The following FBXL5 variants were observed in gnomAD, a reference collection of about 807,000 sequenced individuals.
FBXL5 encodes F-box and leucine rich repeat protein 5.
In FBXL5, 26 loss-of-function variants were observed where a neutral mutation model predicts 78.3. That is an observed-to-expected ratio of 0.33 (90% confidence interval 0.24 to 0.46). The LOEUF is 0.46. Among genes scored for constraint, FBXL5 ranks in the 20% least tolerant of loss-of-function variants. The pLI is 1.00. For missense variants in FBXL5, 710 were observed against 829.2 expected, an observed-to-expected ratio of 0.86 and a Z score of 1.77; for synonymous variants, 295 against 282.5, an observed-to-expected ratio of 1.04 and a Z score of -0.45.
upstream of FBXL5, among the ~76,000 whole-genome samples, chr4:15,661,923 G>A (rs1717329943): frequency 6.6e-6 from 1 of 152,182 alleles, no homozygotes. Context: ...CTCATAGGCT[G>A]TTAGAATAAG....
In FBXL5 at chr4:15,629,871, T is replaced by C. The variant is rs570804502; in HGVS notation, c.892+795A>G. On this transcript the variant is annotated intron_variant, in intron 6 of 10. Coordinates refer to ENST00000341285, the MANE Select transcript of FBXL5 (RefSeq NM_012161.4). ...AAATTACTTTAAGCAAGTAACTTTA[T>C]AAATAAAATTTCCTATAGTTTCAGT... Among the ~76,000 whole-genome samples, 273 of 152,314 alleles carry C rather than the reference T, an allele frequency of 1.8e-3. 1 individual carries two copies. The highest frequency in any genetic ancestry group is 4.1e-3 in the Admixed American group (62 of 15,304).
chr4:15,640,735 T>A (rs971613749), intron 3 of FBXL5, 53 bp downstream of exon 3: 2 of 985,916 alleles, frequency 2.0e-6, no homozygotes, highest in Non-Finnish European at 3.0e-6. Context: ...TAAAGCAAAA[T>A]AGTATTTTAA....
chr4:15,668,637 G>C (rs1717642782), intron 1 of FBXL5, among the ~76,000 whole-genome samples: 1 of 152,164 alleles, frequency 6.6e-6, no homozygotes, highest in South Asian at 2.1e-4. Flanking sequence ...TGTGTCAATG[G>C]TATTCTTGAA....
chr4:15,611,585 A>T (rs1415442047), intron 10 of FBXL5, among the ~76,000 whole-genome samples: 2 of 152,132 alleles, frequency 1.3e-5, no homozygotes, highest in African/African-American at 4.8e-5. Context: ...GGCACTGAAC[A>T]TACTTTGAAA....
intron 1 of FBXL5, among the ~76,000 whole-genome samples, chr4:15,647,042 G>A (rs532014781): frequency 1.5e-4 from 22 of 151,390 alleles, no homozygotes; most frequent in Admixed American, 1.4e-3. Flanking sequence ...GACCAACATG[G>A]TGAAACCCCA....
In FBXL5 at chr4:15,644,604, T is replaced by A. The variant is rs201811302; in HGVS notation, c.189A>T (p.Glu63Asp). Reference protein sequence around the residue: ...EFKMHEQIENEYIIGLLQQRS... With the variant: ...EFKMHEQIENDYIIGLLQQRS... The stretch of plus-strand genomic sequence containing the variant: ...GTTGTTGAAGCAAACCAATAATGTA[T>A]TCATTTTCAATCTGCTCATGCATTT... The change falls in exon 2 of 11, where the codon GAA becomes GAT. Residue 63 changes from glutamate (E) to aspartate (D), a missense_variant. By Grantham distance (45) the Glu-to-Asp change is conservative (BLOSUM62 2). Around this residue, in one of 4 missense-constraint regions of FBXL5, gnomAD observed 132 missense variants for 156.9 expected, o/e 0.84. Coordinates refer to ENST00000341285, the MANE Select transcript of FBXL5 (RefSeq NM_012161.4). 6.2e-7 allele frequency: 1 copy of A among 1,614,112 alleles called. No individual in the cohort carries two copies. The highest frequency in any genetic ancestry group is 2.2e-5 in the East Asian group (1 of 44,862).
At chr4:15,638,784 G>C (rs903904333) in intron 3 of FBXL5, 90 bp from the exon 4 acceptor site, 1 of 772,604 alleles carries the variant, frequency 1.3e-6, no homozygotes, top group South Asian at 2.0e-5. Flanking sequence ...CTCGAATGTC[G>C]TATTATGACC....
intron 1 of FBXL5, 62 bp from the exon 2 acceptor site, chr4:15,644,770 T>A: frequency 8.3e-7 from 1 of 1,204,206 alleles, no homozygotes; most frequent in Non-Finnish European, 1.2e-6. Flanking sequence ...AAATAAAAAA[T>A]ATTCAAATAC....
At position 15,625,235 on chromosome 4, in the gene FBXL5, TG is replaced by T; in HGVS notation, c.1850+16del. The T allele has an allele frequency of 6.4e-7, 1 of 1,563,538 alleles. No individual in the cohort carries two copies. The highest frequency in any genetic ancestry group is 8.6e-7 in the Non-Finnish European group (1 of 1,162,924). The stretch of plus-strand genomic sequence containing the variant: ...AGAACACGTCTATTTCTTAATATTC[TG>T]GAACTGATAACTCACCTGAGACCAT... On this transcript the variant is annotated intron_variant, in intron 9 of 10. Coordinates refer to ENST00000341285, the MANE Select transcript of FBXL5 (RefSeq NM_012161.4).
Position 15,667,325 on chromosome 4 carries a change from T to C in FBXL5, c.-283-7403A>G, listed in dbSNP as rs75479952. 5.5e-3 allele frequency among the ~76,000 whole-genome samples: 843 copies of C among 152,252 alleles called. 7 individuals carry two copies. The highest frequency in any genetic ancestry group is 0.019 in the African/African-American group (810 of 41,540). The stretch of plus-strand genomic sequence containing the variant: ...TATAGGCACTCAACATTTGTTAAAA[T>C]TGAAGTTTTAACTCATATTAAACAA... On this transcript the variant is annotated intron_variant, in intron 1 of 4. Transcript: ENST00000507899.
intron 1 of FBXL5, among the ~76,000 whole-genome samples, chr4:15,679,688 C>T (rs1395226758): frequency 6.6e-6 from 1 of 151,660 alleles, no homozygotes; most frequent in East Asian, 1.9e-4. Flanking sequence ...ATCATTCTAA[C>T]TCATATTCCC....
At chr4:15,638,734 T>C in intron 3 of FBXL5, 40 bp from the exon 4 acceptor site, 1 of 1,290,128 alleles carries the variant, frequency 7.8e-7, no homozygotes, top group Non-Finnish European at 1.1e-6. Context: ...GATGCTTCAT[T>C]CGTGTTGATT....
chr4:15,608,155 G>A (rs1342985250), intron 10 of FBXL5, among the ~76,000 whole-genome samples: 3 of 152,026 alleles, frequency 2.0e-5, no homozygotes, highest in African/African-American at 7.2e-5. Flanking sequence ...GAAAGGTAAG[G>A]GAGAAATATT....
Position 15,633,125 on chromosome 4 carries a change from G to C in FBXL5, c.767-2334C>G, listed in dbSNP as rs868417153. Among the ~76,000 whole-genome samples the C allele has an allele frequency of 6.6e-5, 10 of 152,260 alleles. No homozygotes were observed. In the South Asian group the frequency reaches 2.1e-3, roughly 32 times the overall value. On this transcript the variant is annotated intron_variant, in intron 5 of 10. Coordinates refer to ENST00000341285, the MANE Select transcript of FBXL5 (RefSeq NM_012161.4). ...CACTGAGAAGAACTATGACAGGTGG[G>C]TTCGATTAACGATAATAATCAATTA...
At chr4:15,616,703 C>G (rs1482587194) in intron 9 of FBXL5, among the ~76,000 whole-genome samples, 2 of 152,216 alleles carry the variant, frequency 1.3e-5, no homozygotes, top group African/African-American at 2.4e-5. Flanking sequence ...AATGACTTCC[C>G]TGGGGACCAA....
chr4:15,626,985 ATC>A, intron 7 of FBXL5, 30 bp from the exon 8 acceptor site: 1 of 1,479,224 alleles, frequency 6.8e-7, no homozygotes, highest in East Asian at 2.3e-5. Flanking sequence ...CACTGTAAAG[ATC>A]TGCAGAACTT....
chr4:15,638,736 G>C, intron 3 of FBXL5, 42 bp from the exon 4 acceptor site: 1 of 1,273,292 alleles, frequency 7.9e-7, no homozygotes, highest in Non-Finnish European at 1.1e-6. Context: ...TGCTTCATTC[G>C]TGTTGATTTA....
chr4:15,615,417 C>T (rs1156846388), intron 9 of FBXL5, among the ~76,000 whole-genome samples: 2 of 142,164 alleles, frequency 1.4e-5, no homozygotes, highest in Non-Finnish European at 3.1e-5. Flanking sequence ...ATGTCTAGCT[C>T]AGGGATTGTA....
chr4:15,646,462 A>G (rs10029973), intron 1 of FBXL5, among the ~76,000 whole-genome samples: 55,947 of 140,446 alleles, frequency 0.4, 10,689 homozygotes, highest in Non-Finnish European at 0.42. Context: ...CATTTTTTGG[A>G]AAAAAAAAAA....
Sources: gnomAD v4.1 joint callset for allele counts (sites outside exome capture counted in the v4.1 genomes callset) on GRCh38, gnomAD v4.1.1 for gene constraint, gnomAD v4.1.1 regional missense constraint, MANE v1.5 for transcripts, NCBI Gene and HGNC (gene_info 2026-07-23, HGNC 2026-07-21) for gene names.